The following HSD17B8 variants were observed in gnomAD, a reference collection of about 807,000 sequenced individuals.
HSD17B8 encodes (3R)-3-hydroxyacyl-CoA dehydrogenase.
In HSD17B8, 23 loss-of-function variants were observed where a neutral mutation model predicts 33.2. That is an observed-to-expected ratio of 0.69 (90% CI 0.50 to 0.98). The LOEUF is 0.98. Among genes scored for constraint, HSD17B8 ranks in the 50% least tolerant of loss-of-function variants. The pLI is 0.00. For synonymous variants in HSD17B8, 137 were observed against 138.6 expected (o/e 0.99, Z 0.08); for missense variants, 345 against 347.5 (o/e 0.99, Z 0.06).
Position 33,205,052 on chromosome 6 carries a change from A to AC in HSD17B8, c.205dup (p.His69ProfsTer7). ...AGCAAGGAGGGGCCGCCCCGAGGGA[A>AC]CCATGCTGCCTTCCAGGCTGACGTG... On this transcript the variant is annotated frameshift_variant, in exon 2 of 9. Transcript: ENST00000374662. LOFTEE classifies it high-confidence loss of function. This position sits in a 1 kb window ranked among gnomAD's most constrained non-coding sequence, Gnocchi z 5.0. 1 of 1,557,342 alleles carries AC rather than the reference A, an allele frequency of 6.4e-7. No individual in the cohort carries two copies. Among genetic ancestry groups the AC allele is most frequent in the Non-Finnish European group, 8.7e-7 (1 of 1,153,706 alleles).
In HSD17B8 at chr6:33,205,992, AG is replaced by A; in HGVS notation, c.651+81del. 2 of 1,442,248 alleles carry A rather than the reference AG, an allele frequency of 1.4e-6. No homozygotes were observed. Among genetic ancestry groups the A allele is most frequent in the Non-Finnish European group, 1.9e-6 (2 of 1,027,254 alleles). The allele number at this position is 1,442,248 out of a possible 1,614,324, so 89.3% of individuals were successfully genotyped here. On this transcript the variant is annotated intron_variant, in intron 6 of 8. Coordinates refer to ENST00000374662, the MANE Select transcript of HSD17B8 (RefSeq NM_014234.5). This position sits in a 1 kb window ranked among gnomAD's most constrained non-coding sequence, Gnocchi z 5.0. ...TTCACAGAGAGAGAGAGAGAGAGAG[AG>A]AGAGAATACTGGGCACAGTTCCTGG...
Position 33,205,262 on chromosome 6 carries a change from G to A in HSD17B8, c.312G>A (p.Ala104=), listed in dbSNP as rs556499620. The change falls in exon 3 of 9, where the codon GCG becomes GCA. Residue 104 remains alanine (A), a synonymous_variant. Coordinates refer to ENST00000374662, the MANE Select transcript of HSD17B8 (RefSeq NM_014234.5). The surrounding 1 kb of genome is among the most constrained non-coding windows in gnomAD (Gnocchi z 5.0). ...CACCATCTGTCGTTGTGTCCTGTGCGGGCATCACCCAGGATGAGTTTCTGC... is the reference window on the plus strand; with the variant it reads ...CACCATCTGTCGTTGTGTCCTGTGCAGGCATCACCCAGGATGAGTTTCTGC... ...SRPPSVVVSC[A]GITQDEFLLH... 7.4e-6 allele frequency: 12 copies of A among 1,612,946 alleles called. No homozygotes were observed. In the South Asian group the frequency reaches 1.1e-4, roughly 15 times the overall value.
In HSD17B8 at chr6:33,205,062, C is replaced by T. The variant is rs1172223073; in HGVS notation, c.213C>T (p.Ala71=). 2.6e-6 allele frequency: 4 copies of T among 1,562,638 alleles called. No homozygotes were observed. Among genetic ancestry groups the T allele is most frequent in the Middle Eastern group, 1.7e-4 (1 of 5,826 alleles). The change falls in exon 2 of 9, where the codon GCC becomes GCT. Residue 71 remains alanine (A), a synonymous_variant. Transcript: ENST00000374662. The surrounding 1 kb of genome is among the most constrained non-coding windows in gnomAD (Gnocchi z 5.0). ...GGCCGCCCCGAGGGAACCATGCTGCCTTCCAGGCTGACGTGTCTGAGGCCA... is the reference window on the plus strand; with the variant it reads ...GGCCGCCCCGAGGGAACCATGCTGCTTTCCAGGCTGACGTGTCTGAGGCCA... ...KEGPPRGNHA[A]FQADVSEARA... is the part of the protein sequence containing the mutation.
Position 33,204,972 on chromosome 6 carries a change from C to G in HSD17B8, c.123C>G (p.Cys41Trp). 2.0e-6 allele frequency: 3 copies of G among 1,472,994 alleles called. No homozygotes were observed. The highest frequency in any genetic ancestry group is 2.7e-6 in the Non-Finnish European group (3 of 1,117,220). The allele number at this position is 1,472,994 out of a possible 1,614,324, so 91.2% of individuals were successfully genotyped here. ...LAGEGATVAACDLDRAAAQET... is the reference protein window; with the variant it reads ...LAGEGATVAAWDLDRAAAQET... ...GAGAGGGGGCCACCGTAGCTGCCTG[C>G]GACCTGGACCGGGCAGCGGCACAGG... Residue 41 changes from cysteine (C) to tryptophan (W), a missense_variant, in exon 2 of 9, where the codon TGC becomes TGG. Physicochemically the swap from Cys to Trp is radical, Grantham distance 215. Coordinates refer to ENST00000374662, the MANE Select transcript of HSD17B8 (RefSeq NM_014234.5).
chr6:33,205,433 C>T lies in HSD17B8; in HGVS notation c.388-14C>T. 6.2e-7 allele frequency: 1 copy of T among 1,612,590 alleles called. No homozygotes were observed. Among genetic ancestry groups the T allele is most frequent in the East Asian group, 2.2e-5 (1 of 44,872 alleles). On this transcript the variant is annotated splice_polypyrimidine_tract_variant and intron_variant, in intron 3 of 8. Transcript: ENST00000374662. This position sits in a 1 kb window ranked among gnomAD's most constrained non-coding sequence, Gnocchi z 5.0. ...CCAGCTGATCTTTTCTCCCTTGTTA[C>T]CCTTTCCCGCCAGGGCACCTTCCTA...
In HSD17B8 at chr6:33,206,699, C is replaced by G; in HGVS notation, c.*45C>G. On this transcript the variant is annotated 3_prime_UTR_variant, in exon 9 of 9. Coordinates refer to ENST00000374662, the MANE Select transcript of HSD17B8 (RefSeq NM_014234.5). The surrounding 1 kb of genome is among the most constrained non-coding windows in gnomAD (Gnocchi z 6.2). ...CTCTGCTCACCCCCCCACCACTCTG[C>G]CTGGCCTCCTGCTGATGAGGACTCT... The G allele has an allele frequency of 1.3e-6, 2 of 1,599,516 alleles. No individual in the cohort carries two copies. The highest frequency in any genetic ancestry group is 1.7e-6 in the Non-Finnish European group (2 of 1,166,726).
At position 33,204,915 on chromosome 6, in the gene HSD17B8, C is replaced by T. The variant is rs1269550460; in HGVS notation, c.66C>T (p.Gly22=). 8.9e-6 allele frequency: 13 copies of T among 1,464,974 alleles called. No homozygotes were observed. Among genetic ancestry groups the T allele is most frequent in the Non-Finnish European group, 1.2e-5 (13 of 1,109,184 alleles). The allele number at this position is 1,464,974 out of a possible 1,614,324, so 90.7% of individuals were successfully genotyped here. Residue 22 remains glycine (G), a synonymous_variant, in exon 2 of 9, where the codon GGC becomes GGT. Transcript: ENST00000374662. Reference sequence around the variant, plus strand: ...GTCCTACCTCAGGTGCGGGGAGCGGCATCGGCCGAGCGGTCAGTGTACGCC... The same window carrying T: ...GTCCTACCTCAGGTGCGGGGAGCGGTATCGGCCGAGCGGTCAGTGTACGCC... The part of the protein sequence containing the change: ...ALALVTGAGS[G]IGRAVSVRLA...
Position 33,206,829 on chromosome 6 carries a change from C to A in HSD17B8, c.*175C>A, listed in dbSNP as rs1775100461. The A allele has an allele frequency of 1.5e-6, 1 of 667,548 alleles. No homozygotes were observed. Among genetic ancestry groups the A allele is most frequent in the Non-Finnish European group, 2.7e-6 (1 of 371,292 alleles). The allele number at this position is 667,548 out of a possible 1,614,324, so 41.4% of individuals were successfully genotyped here. ...AATAAATTCCAAGTCCTCTTCCCTG[C>A]CACCTCCGGCTCTTCTTGTGTCCAA... On this transcript the variant is annotated 3_prime_UTR_variant, in exon 9 of 9. Coordinates refer to ENST00000374662, the MANE Select transcript of HSD17B8 (RefSeq NM_014234.5). This position sits in a 1 kb window ranked among gnomAD's most constrained non-coding sequence, Gnocchi z 6.2.
In HSD17B8 at chr6:33,205,502, G is replaced by C. The variant is rs771610415; in HGVS notation, c.443G>C (p.Arg148Pro). 1.2e-6 allele frequency: 2 copies of C among 1,613,106 alleles called. No individual in the cohort carries two copies. The highest frequency in any genetic ancestry group is 1.1e-5 in the South Asian group (1 of 91,088). Residue 148 changes from arginine to proline, a missense_variant, in exon 4 of 9, where the codon CGT becomes CCT. Coordinates refer to ENST00000374662, the MANE Select transcript of HSD17B8 (RefSeq NM_014234.5). This position sits in a 1 kb window ranked among gnomAD's most constrained non-coding sequence, Gnocchi z 5.0. ...CAAGCCCTGGTGTCCAATGGTTGTC[G>C]TGGTTCCATCATCAACATCAGTAGC... is the stretch of plus-strand genomic sequence containing the variant. Reference protein sequence around the residue: ...AAQALVSNGCRGSIINISSIV... With the variant: ...AAQALVSNGCPGSIINISSIV...
Position 33,206,696 on chromosome 6 carries a change from C to A in HSD17B8, c.*42C>A, listed in dbSNP as rs529082155. The A allele has an allele frequency of 1.6e-5, 26 of 1,604,466 alleles. No individual in the cohort carries two copies. The East Asian group carries it at 5.6e-4, about 34-fold the overall frequency. ...GGACTCTGCTCACCCCCCCACCACT[C>A]TGCCTGGCCTCCTGCTGATGAGGAC... On this transcript the variant is annotated 3_prime_UTR_variant, in exon 9 of 9. Transcript: ENST00000374662. The surrounding 1 kb of genome is among the most constrained non-coding windows in gnomAD (Gnocchi z 6.2).
Position 33,205,285 on chromosome 6 carries a change from T to C in HSD17B8, c.335T>C (p.Leu112Pro), listed in dbSNP as rs1185258466. The C allele has an allele frequency of 6.2e-7, 1 of 1,613,496 alleles. No homozygotes were observed. The highest frequency in any genetic ancestry group is 1.1e-5 in the South Asian group (1 of 91,092). The change falls in exon 3 of 9, where the codon CTG becomes CCG. Residue 112 changes from leucine to proline, a missense_variant. Leu to Pro is a moderately conservative substitution (Grantham distance 98). Transcript: ENST00000374662. This position sits in a 1 kb window ranked among gnomAD's most constrained non-coding sequence, Gnocchi z 5.0. ...SCAGITQDEFLLHMSEDDWDK... is the reference protein window; with the variant it reads ...SCAGITQDEFPLHMSEDDWDK... ...GCGGGCATCACCCAGGATGAGTTTCTGCTGCACATGTCTGAGGATGACTGG... is the reference window on the plus strand; with the variant it reads ...GCGGGCATCACCCAGGATGAGTTTCCGCTGCACATGTCTGAGGATGACTGG...
chr6:33,206,725 A>T lies in HSD17B8; in HGVS notation c.*71A>T, dbSNP rs1357846034. 12 of 1,492,896 alleles carry T rather than the reference A, an allele frequency of 8.0e-6. No individual in the cohort carries two copies. The highest frequency in any genetic ancestry group is 1.1e-5 in the Non-Finnish European group (12 of 1,069,982). 92.5% of individuals were successfully genotyped at this position (1,492,896 alleles called of 1,614,324 possible). On this transcript the variant is annotated 3_prime_UTR_variant, in exon 9 of 9. Transcript: ENST00000374662. The surrounding 1 kb of genome is among the most constrained non-coding windows in gnomAD (Gnocchi z 6.2). ...CTGGCCTCCTGCTGATGAGGACTCT[A>T]AGTTCCCAGGATACAAAAGGGGTGG...
At position 33,206,272 on chromosome 6, in the gene HSD17B8, T is replaced by C; in HGVS notation, c.694+96T>C. The C allele has an allele frequency of 1.9e-6, 3 of 1,552,058 alleles. No homozygotes were observed. The East Asian group carries it at 6.7e-5, about 35-fold the overall frequency. On this transcript the variant is annotated intron_variant, in intron 7 of 8. Transcript: ENST00000374662. This position sits in a 1 kb window ranked among gnomAD's most constrained non-coding sequence, Gnocchi z 6.2. ...TTCTAGGGGACTGGTGGTTGGTGTC[T>C]GTGGAGAGGTTTGTGGGGAGGGATG...
chr6:33,204,904 G>A lies in HSD17B8; in HGVS notation c.55G>A (p.Ala19Thr). The A allele has an allele frequency of 6.8e-7, 1 of 1,467,296 alleles. No homozygotes were observed. Among genetic ancestry groups the A allele is most frequent in the Non-Finnish European group, 9.0e-7 (1 of 1,109,684 alleles). The allele number at this position is 1,467,296 out of a possible 1,614,324, so 90.9% of individuals were successfully genotyped here. ...CGGCGTGTTCTGTCCTACCTCAGGT[G>A]CGGGGAGCGGCATCGGCCGAGCGGT... is the stretch of plus-strand genomic sequence containing the variant. ...LRSALALVTG[A>T]GSGIGRAVSV... The change falls in exon 2 of 9, where the codon GCG becomes ACG. Residue 19 changes from alanine to threonine, a missense_variant and splice_region_variant. Transcript: ENST00000374662.
Position 33,205,044 on chromosome 6 carries a change from C to T in HSD17B8, c.195C>T (p.Pro65=). 1 of 1,550,614 alleles carries T rather than the reference C, an allele frequency of 6.4e-7. No homozygotes were observed. The highest frequency in any genetic ancestry group is 2.3e-5 in the East Asian group (1 of 44,204). The change falls in exon 2 of 9, where the codon CCC becomes CCT. Residue 65 remains proline (P), a synonymous_variant. Coordinates refer to ENST00000374662, the MANE Select transcript of HSD17B8 (RefSeq NM_014234.5). The surrounding 1 kb of genome is among the most constrained non-coding windows in gnomAD (Gnocchi z 5.0). ...LGGPGSKEGP[P]RGNHAAFQAD... ...GGCCAGGGAGCAAGGAGGGGCCGCC[C>T]CGAGGGAACCATGCTGCCTTCCAGG...
Position 33,206,727 on chromosome 6 carries a change from GT to G in HSD17B8, c.*75del, listed in dbSNP as rs1314179850. On this transcript the variant is annotated 3_prime_UTR_variant, in exon 9 of 9. Transcript: ENST00000374662. This position sits in a 1 kb window ranked among gnomAD's most constrained non-coding sequence, Gnocchi z 6.2. ...GGCCTCCTGCTGATGAGGACTCTAA[GT>G]TCCCAGGATACAAAAGGGGTGGCAG... 35 of 1,486,826 alleles carry G rather than the reference GT, an allele frequency of 2.4e-5. No homozygotes were observed. Among genetic ancestry groups the G allele is most frequent in the Non-Finnish European group, 3.1e-5 (33 of 1,064,378 alleles). The allele number at this position is 1,486,826 out of a possible 1,614,324, so 92.1% of individuals were successfully genotyped here. A position where few individuals can be genotyped will look rare whatever the true frequency, so the allele number is the denominator to read the frequency against.
In HSD17B8 at chr6:33,206,094, C is replaced by T. The variant is rs765840155; in HGVS notation, c.652-40C>T. Reference sequence around the variant, plus strand: ...CACAGACTCAGTCTTCAAAAAAATCCATAAAAGAAGCTTTCACCCACATGA... The same window carrying T: ...CACAGACTCAGTCTTCAAAAAAATCTATAAAAGAAGCTTTCACCCACATGA... On this transcript the variant is annotated intron_variant, in intron 6 of 8. Transcript: ENST00000374662. This position sits in a 1 kb window ranked among gnomAD's most constrained non-coding sequence, Gnocchi z 6.2. 5.8e-5 allele frequency: 93 copies of T among 1,597,156 alleles called. No individual in the cohort carries two copies. Among genetic ancestry groups the T allele is most frequent in the Non-Finnish European group, 7.8e-5 (91 of 1,172,842 alleles).
rs1389059501 is a variant in HSD17B8, at chr6:33,205,515, C to G, written c.456C>G (p.Ile152Met). Residue 152 changes from isoleucine (I) to methionine (M), a missense_variant, in exon 4 of 9, where the codon ATC becomes ATG. Transcript: ENST00000374662. The surrounding 1 kb of genome is among the most constrained non-coding windows in gnomAD (Gnocchi z 5.0). ...LVSNGCRGSI[I>M]NISSIVGKVG... ...CCAATGGTTGTCGTGGTTCCATCAT[C>G]AACATCAGTAGCATCGTAGGAAAGG... 4 of 1,612,936 alleles carry G rather than the reference C, an allele frequency of 2.5e-6. No homozygotes were observed. The African/African-American group carries it at 5.3e-5, about 22-fold the overall frequency.
Position 33,205,557 on chromosome 6 carries a change from G to A in HSD17B8, c.480+18G>A. The A allele has an allele frequency of 1.9e-6, 3 of 1,612,484 alleles. No individual in the cohort carries two copies. Among genetic ancestry groups the A allele is most frequent in the East Asian group, 2.2e-5 (1 of 44,880 alleles). The stretch of plus-strand genomic sequence containing the variant: ...TAGGAAAGGTCAGGTTGAGTTGGAC[G>A]AGGTCAGCCAGCCAAGTGGTATAGA... On this transcript the variant is annotated intron_variant, in intron 4 of 8. Coordinates refer to ENST00000374662, the MANE Select transcript of HSD17B8 (RefSeq NM_014234.5). This position sits in a 1 kb window ranked among gnomAD's most constrained non-coding sequence, Gnocchi z 5.0.
Sources: allele counts gnomAD v4.1 joint callset, GRCh38; gene constraint gnomAD v4.1.1; non-coding constraint Gnocchi (gnomAD v3.1); transcripts MANE v1.5; gene names NCBI Gene and HGNC (gene_info 2026-07-23, HGNC 2026-07-21).